CLSTN2: variants seen among roughly 807,000 people sequenced by gnomAD.
CLSTN2 encodes the protein calsyntenin-2.
In CLSTN2, 48 loss-of-function variants were observed where a neutral mutation model predicts 101.2. That is an observed-to-expected ratio of 0.47 (90% confidence interval 0.38 to 0.60). The LOEUF (loss-of-function observed/expected upper bound fraction) is 0.60, where lower values mean the gene tolerates loss of function less well. Among genes scored for constraint, CLSTN2 ranks in the 20% least tolerant of loss-of-function variants. The pLI, the probability that CLSTN2 is intolerant of heterozygous loss-of-function variation, is 0.00. For missense variants in CLSTN2, 1,160 were observed against 1,238.2 expected (o/e 0.94, Z 0.95); for synonymous variants, 481 against 463.6 (o/e 1.04, Z -0.48).
intron 6 of CLSTN2, among the ~76,000 whole-genome samples, chr3:140,456,450 G>A (rs1003831248): frequency 6.6e-6 from 1 of 152,190 alleles, no homozygotes. Flanking sequence ...CCCATTCTGT[G>A]CCCAGTAAGG....
intron 5 of CLSTN2, among the ~76,000 whole-genome samples, chr3:140,440,526 G>A (rs905659634): frequency 2.0e-5 from 3 of 152,194 alleles, no homozygotes; most frequent in Non-Finnish European, 4.4e-5. Flanking sequence ...GCTCAAAAAT[G>A]TGTGTGCCTA....
intron 1 of CLSTN2, among the ~76,000 whole-genome samples, chr3:140,054,555 A>C (rs1339866627): frequency 1.3e-5 from 2 of 152,194 alleles, no homozygotes; most frequent in Admixed American, 6.5e-5. Context: ...ATAGCCACCC[A>C]CATACCCACT....
chr3:139,955,022 T>A (rs1935363831), intron 1 of CLSTN2, among the ~76,000 whole-genome samples: 1 of 149,766 alleles, frequency 6.7e-6, no homozygotes, highest in South Asian at 2.1e-4. Context: ...GAGGAGAGTG[T>A]TAGCATATAT....
At chr3:140,272,245 A>G (rs559056201) in intron 2 of CLSTN2, among the ~76,000 whole-genome samples, 1 of 152,286 alleles carries the variant, frequency 6.6e-6, no homozygotes, top group South Asian at 2.1e-4. Context: ...CTCCTCCAAA[A>G]CTGGCTGAAT....
chr3:140,481,452 A>G (rs1934113821), intron 8 of CLSTN2, among the ~76,000 whole-genome samples: 2 of 152,158 alleles, frequency 1.3e-5, no homozygotes. Context: ...TTCCATATGA[A>G]CTTTAAAGTA....
intron 5 of CLSTN2, among the ~76,000 whole-genome samples, chr3:140,423,835 C>A (rs2088533032): frequency 6.6e-6 from 1 of 152,162 alleles, no homozygotes; most frequent in South Asian, 2.1e-4. Flanking sequence ...CGTGCCCACC[C>A]TATCTAAAGA....
At chr3:140,483,913 T>A (rs1406320065) in intron 8 of CLSTN2, among the ~76,000 whole-genome samples, 2 of 152,226 alleles carry the variant, frequency 1.3e-5, no homozygotes, top group Non-Finnish European at 2.9e-5. Context: ...TGACTCTTTA[T>A]CCAATTTGCC....
At position 139,935,327 on chromosome 3, in the gene CLSTN2, G is replaced by A. The variant is rs2107804184; in HGVS notation, c.-48G>A. On this transcript the variant is annotated 5_prime_UTR_variant, in exon 1 of 17. Transcript: ENST00000458420. The surrounding 1 kb of genome is among the most constrained non-coding windows in gnomAD (Gnocchi z 5.5). ...GGCAGGCACCGGGAGGCGAGAGCCGGCGCGGACAGTAGGCGGCGGCTGCAG... is the reference window on the plus strand; with the variant it reads ...GGCAGGCACCGGGAGGCGAGAGCCGACGCGGACAGTAGGCGGCGGCTGCAG... 1 of 1,053,900 alleles carries A rather than the reference G, an allele frequency of 9.5e-7. No homozygotes were observed. Among genetic ancestry groups the A allele is most frequent in the East Asian group, 3.3e-5 (1 of 30,090 alleles). The allele number at this position is 1,053,900 out of a possible 1,614,324, so 65.3% of individuals were successfully genotyped here. A position where few individuals can be genotyped will look rare whatever the true frequency, so the allele number is the denominator to read the frequency against.
chr3:140,071,908 T>G (rs571998905), intron 1 of CLSTN2, among the ~76,000 whole-genome samples: 1 of 152,156 alleles, frequency 6.6e-6, no homozygotes, highest in African/African-American at 2.4e-5. Context: ...CTTCTTTTGA[T>G]TAGAGAAATG....
At chr3:140,274,551 C>T (rs369991516) in intron 2 of CLSTN2, among the ~76,000 whole-genome samples, 2 of 152,244 alleles carry the variant, frequency 1.3e-5, no homozygotes, top group Admixed American at 6.5e-5. Flanking sequence ...CCTGGATGTC[C>T]GGGGCACTGG....
chr3:140,213,231 CAT>C (rs1491189286), intron 2 of CLSTN2, among the ~76,000 whole-genome samples: 18 of 152,138 alleles, frequency 1.2e-4, no homozygotes, highest in Middle Eastern at 3.4e-3. Flanking sequence ...TTTTTTGTAA[CAT>C]GTGTGTGTGT....
At chr3:140,429,518 A>C (rs891883984) in intron 5 of CLSTN2, among the ~76,000 whole-genome samples, 5 of 152,064 alleles carry the variant, frequency 3.3e-5, no homozygotes, top group African/African-American at 1.2e-4. Flanking sequence ...AGGGAAGAAG[A>C]CTGGACTGGC....
chr3:140,533,360 A>G (rs2107779974), intron 9 of CLSTN2, among the ~76,000 whole-genome samples: 1 of 152,200 alleles, frequency 6.6e-6, no homozygotes, highest in Middle Eastern at 3.4e-3. Context: ...AATTACCAAG[A>G]TTTGTGACTT....
At chr3:140,147,829 C>A (rs1382581153) in intron 1 of CLSTN2, among the ~76,000 whole-genome samples, 1 of 152,154 alleles carries the variant, frequency 6.6e-6, no homozygotes, top group Non-Finnish European at 1.5e-5. Flanking sequence ...GCATTACACA[C>A]TTTTTAGTCC....
intron 1 of CLSTN2, among the ~76,000 whole-genome samples, chr3:140,103,257 GC>G (rs755373530): frequency 7.9e-5 from 12 of 152,288 alleles, no homozygotes; most frequent in East Asian, 3.9e-4. Flanking sequence ...CTTTAACCAA[GC>G]CAGGATTGCT....
At chr3:139,945,250 G>A (rs566270901) in intron 1 of CLSTN2, among the ~76,000 whole-genome samples, 28 of 152,162 alleles carry the variant, frequency 1.8e-4, no homozygotes, top group Non-Finnish European at 3.5e-4. Context: ...CCACTGATGA[G>A]TTGTGAGGTT....
chr3:140,444,481 G>T (rs1236007439), intron 5 of CLSTN2, among the ~76,000 whole-genome samples: 1 of 151,924 alleles, frequency 6.6e-6, no homozygotes. Context: ...CAATTCTTAG[G>T]CATGGTTTTA....
chr3:140,329,860 A>T (rs886096220), intron 2 of CLSTN2, among the ~76,000 whole-genome samples: 1 of 152,196 alleles, frequency 6.6e-6, no homozygotes, highest in Admixed American at 6.5e-5. Flanking sequence ...ATAAAATATT[A>T]AAAGTTAAGT....
At chr3:139,990,466 A>G (rs4683776) in intron 1 of CLSTN2, among the ~76,000 whole-genome samples, 80,944 of 152,106 alleles carry the variant, frequency 0.53, 24,303 homozygotes, top group Non-Finnish European at 0.66. Context: ...CTTGAAATTT[A>G]CTTATTTTAA....
Sources: gnomAD v4.1 joint callset for allele counts (sites outside exome capture counted in the v4.1 genomes callset) on GRCh38, gnomAD v4.1.1 for gene constraint, Gnocchi (gnomAD v3.1) non-coding constraint, MANE v1.5 for transcripts, NCBI Gene and HGNC (gene_info 2026-07-23, HGNC 2026-07-21) for gene names.